TSHZ2: variants seen among roughly 807,000 people sequenced by gnomAD.
TSHZ2 encodes the protein teashirt homolog 2.
A neutral mutation model predicts 74.4 loss-of-function variants in TSHZ2; 21 were observed. That is an observed-to-expected ratio of 0.28 (90% confidence interval 0.20 to 0.41). TSHZ2 has a LOEUF of 0.41. Among genes scored for constraint, TSHZ2 ranks in the 10% least tolerant of loss-of-function variants. The pLI, the probability that TSHZ2 is intolerant of heterozygous loss-of-function variation, is 1.00. For synonymous variants in TSHZ2, 540 were observed against 515.3 expected (o/e 1.05, Z -0.65); for missense variants, 1,244 against 1,293.5 (o/e 0.96, Z 0.59).
intron 2 of TSHZ2, among the ~76,000 whole-genome samples, chr20:53,388,722 C>T (rs747526087): frequency 1.2e-4 from 18 of 151,774 alleles, no homozygotes; most frequent in Non-Finnish European, 1.6e-4. Flanking sequence ...GAATTATAGG[C>T]GCCCACCACC....
At chr20:53,430,269 T>A (rs1485996238) in intron 2 of TSHZ2, among the ~76,000 whole-genome samples, 2 of 151,792 alleles carry the variant, frequency 1.3e-5, no homozygotes, top group African/African-American at 4.8e-5. Context: ...CACACCCAGC[T>A]GATTTTTGTA....
chr20:53,220,579 G>C (rs1431740166), intron 1 of TSHZ2, among the ~76,000 whole-genome samples: 1 of 152,156 alleles, frequency 6.6e-6, no homozygotes, highest in Non-Finnish European at 1.5e-5. Context: ...ATTGTCTATG[G>C]CTGGTATCAC....
At chr20:53,102,913 C>A (rs569655106) in intron 1 of TSHZ2, among the ~76,000 whole-genome samples, 65 of 151,428 alleles carry the variant, frequency 4.3e-4, no homozygotes, top group Non-Finnish European at 4.4e-5. Context: ...GTACATGTGC[C>A]CATTGTGCAG....
At position 53,488,846 on chromosome 20, in the gene TSHZ2, A is replaced by C. The variant is rs541539432; in HGVS notation, c.*1711A>C. On this transcript the variant is annotated 3_prime_UTR_variant, in exon 3 of 3. Transcript: ENST00000371497. ...TTCAACATTGGGATTAAAAAAAAAA[A>C]AAAACTTCTTATTTACCTCCTAGGG... 1.2e-5 allele frequency: 4 copies of C among 343,178 alleles called. No homozygotes were observed. The highest frequency in any genetic ancestry group is 4.3e-5 in the African/African-American group (2 of 46,586). 21.3% of individuals were successfully genotyped at this position (343,178 alleles called of 1,614,324 possible). A position where few individuals can be genotyped will look rare whatever the true frequency, so the allele number is the denominator to read the frequency against.
At chr20:53,246,679 C>A (rs746359847) in intron 1 of TSHZ2, among the ~76,000 whole-genome samples, 6 of 152,150 alleles carry the variant, frequency 3.9e-5, no homozygotes, top group Admixed American at 6.5e-5. Flanking sequence ...ATAAATATTT[C>A]TTGATTAAAT....
chr20:53,077,055 G>A (rs1371276496), intron 1 of TSHZ2, among the ~76,000 whole-genome samples: 1 of 152,144 alleles, frequency 6.6e-6, no homozygotes, highest in Non-Finnish European at 1.5e-5. Flanking sequence ...GTGACCAAGT[G>A]GAAGTAGTCT....
At chr20:53,210,512 C>T (rs191889210) in intron 1 of TSHZ2, among the ~76,000 whole-genome samples, 1 of 152,094 alleles carries the variant, frequency 6.6e-6, no homozygotes, top group East Asian at 1.9e-4. Context: ...GAATTCCTGT[C>T]AGCATTCAGA....
intron 1 of TSHZ2, among the ~76,000 whole-genome samples, chr20:53,101,179 TG>T (rs1370905846): frequency 2.0e-5 from 3 of 152,234 alleles, no homozygotes; most frequent in Admixed American, 6.5e-5. Context: ...AGAGATGTTT[TG>T]TCAATGACTG....
chr20:53,459,490 A>T (rs1985260185), intron 2 of TSHZ2, among the ~76,000 whole-genome samples: 1 of 147,424 alleles, frequency 6.8e-6, no homozygotes, highest in Non-Finnish European at 1.5e-5. Flanking sequence ...CAGCACACTG[A>T]TGGGTCTTGA....
chr20:53,309,567 C>T (rs1009769509), intron 2 of TSHZ2, among the ~76,000 whole-genome samples: 1 of 152,186 alleles, frequency 6.6e-6, no homozygotes, highest in African/African-American at 2.4e-5. Context: ...AAGAAGAAGA[C>T]ATTTTATTCT....
chr20:53,052,341 G>A (rs141858245), intron 1 of TSHZ2, among the ~76,000 whole-genome samples: 573 of 152,300 alleles, frequency 3.8e-3, no homozygotes, highest in Non-Finnish European at 6.7e-3. Flanking sequence ...TCCACAGCAG[G>A]AAGTGAGTGG....
intron 2 of TSHZ2, among the ~76,000 whole-genome samples, chr20:53,438,957 T>G (rs1157000335): frequency 6.6e-6 from 1 of 151,880 alleles, no homozygotes; most frequent in South Asian, 2.1e-4. Context: ...TGAAACTCCA[T>G]CTCTAAAAAA....
chr20:53,480,707 A>G (rs1986127110), intron 2 of TSHZ2, among the ~76,000 whole-genome samples: 1 of 152,190 alleles, frequency 6.6e-6, no homozygotes, highest in African/African-American at 2.4e-5. Flanking sequence ...GCCCCCTTTT[A>G]GCAACCATAA....
chr20:53,103,549 G>A (rs968112489), intron 1 of TSHZ2, among the ~76,000 whole-genome samples: 2 of 152,032 alleles, frequency 1.3e-5, no homozygotes, highest in Admixed American at 1.3e-4. Flanking sequence ...CTTCAGCTTG[G>A]TTTTGAAACA....
chr20:53,182,159 T>C (rs1239134692), intron 1 of TSHZ2, among the ~76,000 whole-genome samples: 7 of 125,374 alleles, frequency 5.6e-5, no homozygotes, highest in Non-Finnish European at 1.2e-4. Context: ...CTCCCTCTCT[T>C]CCTTTTCTTT....
At chr20:53,421,519 G>T in intron 2 of TSHZ2, 1 of 232,806 alleles carries the variant, frequency 4.3e-6, no homozygotes, top group Non-Finnish European at 9.0e-6. Context: ...TGCCAAAATC[G>T]AGTGGCTGGA....
intron 2 of TSHZ2, among the ~76,000 whole-genome samples, chr20:53,293,384 A>G (rs943787912): frequency 1.3e-5 from 2 of 152,102 alleles, no homozygotes; most frequent in Non-Finnish European, 2.9e-5. Flanking sequence ...AATTGCTTGA[A>G]CACAGGAGGC....
chr20:53,492,828 A>G lies in TSHZ2; in HGVS notation c.*5693A>G, dbSNP rs1986484007. On this transcript the variant is annotated 3_prime_UTR_variant, in exon 3 of 3. Transcript: ENST00000371497. ...GGGAAGTGGGTCAGAGCAAGGTTCAAGAATCACATTCATCCTTGCTCTAAA... is the reference window on the plus strand; with the variant it reads ...GGGAAGTGGGTCAGAGCAAGGTTCAGGAATCACATTCATCCTTGCTCTAAA... 1 of 152,208 alleles carries G rather than the reference A, an allele frequency of 6.6e-6. No homozygotes were observed. The highest frequency in any genetic ancestry group is 2.1e-4 in the South Asian group (1 of 4,832). 9.4% of individuals were successfully genotyped at this position (152,208 alleles called of 1,614,324 possible).
chr20:53,479,567 C>A (rs1986089723), intron 2 of TSHZ2, among the ~76,000 whole-genome samples: 1 of 152,138 alleles, frequency 6.6e-6, no homozygotes, highest in African/African-American at 2.4e-5. Flanking sequence ...CCAAATAAAG[C>A]AAAATACAGG....
Sources: gnomAD v4.1 joint callset for allele counts (sites outside exome capture counted in the v4.1 genomes callset) on GRCh38, gnomAD v4.1.1 for gene constraint, MANE v1.5 for transcripts, NCBI Gene and HGNC (gene_info 2026-07-23, HGNC 2026-07-21) for gene names.